EYS: variants seen among roughly 807,000 people sequenced by gnomAD.
The protein encoded by EYS is EGF-like photoreceptor maintenance factor.
A neutral mutation model predicts 282.1 loss-of-function variants in EYS; 250 were observed. The observed-to-expected ratio is 0.89, with a 90% CI of 0.80 to 0.98. The LOEUF (loss-of-function observed/expected upper bound fraction) is 0.98, where lower values mean the gene tolerates loss of function less well. EYS is among the 50% of genes least tolerant of loss of function. EYS has a pLI of 0.00. For missense variants in EYS, 4,016 were observed against 3,709.0 expected (o/e 1.08, Z -2.15); for synonymous variants, 1,355 against 1,282.9 (o/e 1.06, Z -1.20).
At chr6:65,148,480 T>C (rs1370424566) in intron 12 of EYS, among the ~76,000 whole-genome samples, 2 of 152,142 alleles carry the variant, frequency 1.3e-5, no homozygotes, top group Admixed American at 6.5e-5. Context: ...CCCATGGCCT[T>C]GGGCAGCTCT....
chr6:64,286,682 T>C (rs917621142), intron 30 of EYS, among the ~76,000 whole-genome samples: 2 of 152,126 alleles, frequency 1.3e-5, no homozygotes, highest in Non-Finnish European at 2.9e-5. Context: ...TCCTTTAACA[T>C]GCTCTATGAC....
intron 35 of EYS, among the ~76,000 whole-genome samples, chr6:63,895,240 G>T (rs1773507206): frequency 3.4e-5 from 1 of 29,280 alleles, no homozygotes; most frequent in African/African-American, 5.9e-5. Flanking sequence ...CAATCTCAAT[G>T]ATTTCATTTT....
chr6:65,091,435 G>A (rs547442559), intron 12 of EYS, among the ~76,000 whole-genome samples: 7 of 141,940 alleles, frequency 4.9e-5, no homozygotes, highest in African/African-American at 1.8e-4. Flanking sequence ...GGGTGAGAGA[G>A]CGAGACTACA....
At chr6:64,295,490 G>GAAGAAGAAGAAGAAGAAGA (rs1554140729) in intron 30 of EYS, among the ~76,000 whole-genome samples, 6 of 28,170 alleles carry the variant, frequency 2.1e-4, no homozygotes, top group South Asian at 1.4e-3. Flanking sequence ...AGAAGAAGAA[G>GAAGAAGAAGAAGAAGAAGA]AAGAAGAAAG....
At chr6:64,821,794 C>A in intron 20 of EYS, 71 bp from the exon 21 acceptor site, 1 of 908,366 alleles carries the variant, frequency 1.1e-6, no homozygotes, top group Non-Finnish European at 1.7e-6. Context: ...GGAGTTTCAC[C>A]ATTTAAACTT....
At chr6:64,450,361 G>A (rs1775282036) in intron 26 of EYS, among the ~76,000 whole-genome samples, 1 of 152,112 alleles carries the variant, frequency 6.6e-6, no homozygotes, top group Admixed American at 6.5e-5. Context: ...CGTAAAGCAA[G>A]TCCTTAGTTA....
intron 30 of EYS, among the ~76,000 whole-genome samples, chr6:64,242,347 G>A (rs991683047): frequency 6.6e-6 from 1 of 152,080 alleles, no homozygotes; most frequent in Admixed American, 6.6e-5. Flanking sequence ...AGCTGGATGG[G>A]AATTAGATTG....
At chr6:65,054,644 C>G (rs1335999607) in intron 13 of EYS, among the ~76,000 whole-genome samples, 1 of 151,710 alleles carries the variant, frequency 6.6e-6, no homozygotes. Flanking sequence ...GATAGGGTGT[C>G]TACAGTATAA....
At chr6:64,857,702 TA>T (rs1382521064) in intron 19 of EYS, among the ~76,000 whole-genome samples, 3 of 152,222 alleles carry the variant, frequency 2.0e-5, no homozygotes, top group Non-Finnish European at 4.4e-5. Flanking sequence ...CATATGGATT[TA>T]CTAAGTTACA....
chr6:65,203,385 C>A (rs1289871129), intron 12 of EYS, among the ~76,000 whole-genome samples: 2 of 152,050 alleles, frequency 1.3e-5, no homozygotes, highest in East Asian at 3.9e-4. Flanking sequence ...AGACAGTGAG[C>A]CTGACCACAT....
At chr6:63,743,419 G>T (rs1769133668) in intron 41 of EYS, among the ~76,000 whole-genome samples, 1 of 152,180 alleles carries the variant, frequency 6.6e-6, no homozygotes, top group Non-Finnish European at 1.5e-5. Context: ...AATATCTTCT[G>T]TTGTGTTTTA....
intron 2 of EYS, among the ~76,000 whole-genome samples, chr6:65,594,834 T>C (rs1163791889): frequency 6.6e-6 from 1 of 152,110 alleles, no homozygotes; most frequent in Non-Finnish European, 1.5e-5. Context: ...TTGAACTAAT[T>C]TTTGTATAAG....
At chr6:64,746,494 C>T (rs1772559490) in intron 22 of EYS, among the ~76,000 whole-genome samples, 3 of 152,084 alleles carry the variant, frequency 2.0e-5, no homozygotes, top group African/African-American at 7.2e-5. Context: ...TAGTCGGTTA[C>T]AGCGTCATAA....
chr6:64,743,902 T>A (rs1450635310), intron 22 of EYS, among the ~76,000 whole-genome samples: 1 of 152,114 alleles, frequency 6.6e-6, no homozygotes, highest in Non-Finnish European at 1.5e-5. Context: ...CAAGTGGCTA[T>A]CAAACTTTAG....
chr6:65,004,743 G>C (rs566982230), intron 13 of EYS, among the ~76,000 whole-genome samples: 8 of 146,842 alleles, frequency 5.4e-5, no homozygotes, highest in Admixed American at 5.4e-4. Flanking sequence ...CAGCATAAAG[G>C]CATCCAATTT....
chr6:64,047,293 T>A (rs577994275), intron 33 of EYS, among the ~76,000 whole-genome samples: 16 of 152,148 alleles, frequency 1.1e-4, no homozygotes, highest in African/African-American at 3.9e-4. Flanking sequence ...TTAAAAATGA[T>A]CTGTAGGCAA....
intron 2 of EYS, among the ~76,000 whole-genome samples, chr6:65,618,769 T>A (rs1218567779): frequency 6.6e-6 from 1 of 152,218 alleles, no homozygotes; most frequent in Non-Finnish European, 1.5e-5. Flanking sequence ...GCTTTCTACA[T>A]ATGGCTAGCC....
chr6:64,547,632 C>G (rs934437983), intron 26 of EYS, among the ~76,000 whole-genome samples: 1 of 152,210 alleles, frequency 6.6e-6, no homozygotes, highest in Non-Finnish European at 1.5e-5. Context: ...CTCCAAGTTG[C>G]CACCAAACTC....
chr6:63,743,935 C>A (rs1325289724), intron 41 of EYS, among the ~76,000 whole-genome samples: 1 of 152,074 alleles, frequency 6.6e-6, no homozygotes, highest in Non-Finnish European at 1.5e-5. Context: ...CTGGAGCCAC[C>A]AGGTTGCAAT....
Sources: gnomAD v4.1 joint callset for allele counts (sites outside exome capture counted in the v4.1 genomes callset) on GRCh38, gnomAD v4.1.1 for gene constraint, MANE v1.5 for transcripts, NCBI Gene and HGNC (gene_info 2026-07-23, HGNC 2026-07-21) for gene names.